Variants in CNNM1 observed in about 807,000 individuals in gnomAD.
CNNM1 encodes cyclin and CBS domain divalent metal cation transport mediator 1.
Under a neutral mutation model 78.8 loss-of-function variants are expected in CNNM1, and 44 were observed. The ratio of observed to expected loss-of-function variants is 0.56; its 90% CI spans 0.44 to 0.72. CNNM1 has a LOEUF of 0.72. Among genes scored for constraint, CNNM1 ranks in the 30% least tolerant of loss-of-function variants. The pLI, the probability that CNNM1 is intolerant of heterozygous loss-of-function variation, is 0.00. For missense variants in CNNM1, 1,101 were observed against 1,292.2 expected, an observed-to-expected ratio of 0.85 and a Z score of 2.27; for synonymous variants, 584 against 581.5, an observed-to-expected ratio of 1.00 and a Z score of -0.06.
intron 1 of CNNM1, among the ~76,000 whole-genome samples, chr10:99,342,974 C>G (rs1446584869): frequency 6.6e-6 from 1 of 151,166 alleles, no homozygotes; most frequent in African/African-American, 2.4e-5. Context: ...TTCTTTCTTT[C>G]TTTTTTTTGA....
At chr10:99,357,480 G>C (rs777913777) in intron 1 of CNNM1, 32 bp from the exon 2 acceptor site, 1 of 1,594,642 alleles carries the variant, frequency 6.3e-7, no homozygotes, top group Admixed American at 1.7e-5. Flanking sequence ...AAATGTCCCC[G>C]ATACTTAACT....
chr10:99,347,974 C>T (rs1410356234), intron 1 of CNNM1, among the ~76,000 whole-genome samples: 10 of 151,752 alleles, frequency 6.6e-5, no homozygotes, highest in African/African-American at 1.9e-4. Context: ...TTCCCTGCTT[C>T]GCTTTCCCCT....
chr10:99,335,700 C>T (rs1454014288), intron 1 of CNNM1, among the ~76,000 whole-genome samples: 1 of 152,188 alleles, frequency 6.6e-6, no homozygotes, highest in Non-Finnish European at 1.5e-5. Flanking sequence ...TTGTCGTCTG[C>T]ACAGGCTGTC....
Position 99,393,988 on chromosome 10 carries a change from T to C in CNNM1, c.*2472T>C, listed in dbSNP as rs2032549452. The C allele has an allele frequency of 6.6e-6, 1 of 152,270 alleles. No individual in the cohort carries two copies. Among genetic ancestry groups the C allele is most frequent in the African/African-American group, 2.4e-5 (1 of 41,458 alleles). The allele number at this position is 152,270 out of a possible 1,614,324, so 9.4% of individuals were successfully genotyped here. A position where few individuals can be genotyped will look rare whatever the true frequency, so the allele number is the denominator to read the frequency against. ...GAACAGGCGAAGTGTCAGCCCTCAA[T>C]GTTGGGTACTTAGACCCAAACCAAT... On this transcript the variant is annotated 3_prime_UTR_variant, in exon 11 of 11. Transcript: ENST00000356713.
At position 99,387,936 on chromosome 10, in the gene CNNM1, G is replaced by A. The variant is rs958493081; in HGVS notation, c.2457G>A (p.Arg819=). 1 of 1,612,986 alleles carries A rather than the reference G, an allele frequency of 6.2e-7. No homozygotes were observed. The highest frequency in any genetic ancestry group is 1.7e-5 in the Admixed American group (1 of 59,904). The change falls in exon 8 of 11, where the codon CGG becomes CGA. Residue 819 remains arginine (R), a synonymous_variant. Coordinates refer to ENST00000356713, the MANE Select transcript of CNNM1 (RefSeq NM_020348.3). ...DGDSTKAPTT[R]GTPQTPKDDP... is the part of the protein sequence containing the mutation. ...ACTCCACTAAGGCCCCCACAACCCG[G>A]GGCACACCCCAGACCCCTAAGGATG...
At chr10:99,356,562 C>CAGAAAGAAAGAAAAGAAAAGAAAAGAA (rs55778106) in intron 1 of CNNM1, among the ~76,000 whole-genome samples, 1 of 98,444 alleles carries the variant, frequency 1.0e-5, no homozygotes, top group Non-Finnish European at 2.1e-5. Flanking sequence ...GACAGACAGA[C>CAGAAAGAAAGAAAAGAAAAGAAAAGAA]AGAAAGAAAG....
At chr10:99,337,419 C>T (rs1353242805) in intron 1 of CNNM1, among the ~76,000 whole-genome samples, 2 of 152,232 alleles carry the variant, frequency 1.3e-5, no homozygotes, top group African/African-American at 4.8e-5. Context: ...TACCCTCCAG[C>T]AATGCTGAAC....
At chr10:99,349,356 G>A (rs1241649491) in intron 1 of CNNM1, among the ~76,000 whole-genome samples, 1 of 152,100 alleles carries the variant, frequency 6.6e-6, no homozygotes, top group African/African-American at 2.4e-5. Flanking sequence ...AGCCAGGGTC[G>A]AGAATCACGA....
chr10:99,341,312 C>T (rs1164608494), intron 1 of CNNM1, among the ~76,000 whole-genome samples: 3 of 152,084 alleles, frequency 2.0e-5, no homozygotes, highest in Admixed American at 2.0e-4. Flanking sequence ...CTGCCAGCCA[C>T]CCTCCTGTTT....
rs1297903607 is a variant in CNNM1 at position 99,330,207 on chromosome 10, G to A, written c.820G>A (p.Ala274Thr). The change falls in exon 1 of 11, where the codon GCC becomes ACC. Residue 274 changes from alanine to threonine, a missense_variant. Coordinates refer to ENST00000356713, the MANE Select transcript of CNNM1 (RefSeq NM_020348.3). ...GCAGGAGCAGGCGCGCCGCGTGCAG[G>A]CCGTTCGCGGCAGGGGGACCCATCT... is the stretch of plus-strand genomic sequence containing the variant. Reference protein sequence around the residue: ...AEQEQARRVQAVRGRGTHLLC... With the variant: ...AEQEQARRVQTVRGRGTHLLC... 1.5e-5 allele frequency: 23 copies of A among 1,511,962 alleles called. No individual in the cohort carries two copies. In the Admixed American group the frequency reaches 1.7e-4, roughly 11 times the overall value. The allele number at this position is 1,511,962 out of a possible 1,614,324, so 93.7% of individuals were successfully genotyped here.
chr10:99,349,833 T>C (rs2030866593), intron 1 of CNNM1, among the ~76,000 whole-genome samples: 2 of 152,160 alleles, frequency 1.3e-5, no homozygotes, highest in Admixed American at 1.3e-4. Flanking sequence ...ACCCCGTCTC[T>C]ACTAAATATA....
chr10:99,380,919 G>A (rs1298396793), intron 7 of CNNM1, among the ~76,000 whole-genome samples: 1 of 152,150 alleles, frequency 6.6e-6, no homozygotes, highest in Non-Finnish European at 1.5e-5. Context: ...ACATGAGATA[G>A]TTTCAGTGTT....
chr10:99,331,828 C>G (rs1288898025), intron 1 of CNNM1, among the ~76,000 whole-genome samples: 1 of 152,096 alleles, frequency 6.6e-6, no homozygotes, highest in Non-Finnish European at 1.5e-5. Context: ...TAGATCTGGA[C>G]CTGAAGAAAT....
Position 99,330,641 on chromosome 10 carries a change from A to G in CNNM1, c.1254A>G (p.Ile418Met), listed in dbSNP as rs1301839078. ...TGGTGAAGGAGGAGCTCAACATCAT[A>G]CAGGGTGCCCTGGAGCTGCGCACCA... ...SDLVKEELNI[I>M]QGALELRTKV... The change falls in exon 1 of 11, where the codon ATA becomes ATG. Residue 418 changes from isoleucine (I) to methionine (M), a missense_variant. Around this residue, in one of 3 missense-constraint regions of CNNM1, gnomAD observed 277 missense variants for 423.2 expected, o/e 0.65. Transcript: ENST00000356713. The G allele has an allele frequency of 1.9e-6, 3 of 1,613,808 alleles. No individual in the cohort carries two copies. The highest frequency in any genetic ancestry group is 2.5e-6 in the Non-Finnish European group (3 of 1,179,866).
At chr10:99,334,815 A>T (rs1327845916) in intron 1 of CNNM1, among the ~76,000 whole-genome samples, 1 of 152,228 alleles carries the variant, frequency 6.6e-6, no homozygotes, top group African/African-American at 2.4e-5. Context: ...GTTACCATTA[A>T]TTGAGCACCA....
chr10:99,351,300 A>G (rs113827528), intron 1 of CNNM1, among the ~76,000 whole-genome samples: 23 of 152,202 alleles, frequency 1.5e-4, no homozygotes, highest in African/African-American at 4.8e-4. Flanking sequence ...AGAAGCCACA[A>G]AGAGACCCTT....
rs768349741 is a variant in CNNM1 at position 99,364,352 on chromosome 10, A to T, written c.2029-65A>T. ...TCCAAGCAGAAATGCTTAGGATTCG[A>T]GTCAATAGTAGAACTGGAAGTGCTC... On this transcript the variant is annotated intron_variant, in intron 4 of 10. Transcript: ENST00000356713. The T allele has an allele frequency of 5.8e-6, 7 of 1,204,814 alleles. No individual in the cohort carries two copies. In the Admixed American group the frequency reaches 8.5e-5, roughly 15 times the overall value. 74.6% of individuals were successfully genotyped at this position (1,204,814 alleles called of 1,614,324 possible). A position where few individuals can be genotyped will look rare whatever the true frequency, so the allele number is the denominator to read the frequency against.
At chr10:99,346,948 G>A (rs1311282734) in intron 1 of CNNM1, among the ~76,000 whole-genome samples, 3 of 152,170 alleles carry the variant, frequency 2.0e-5, no homozygotes, top group Admixed American at 6.5e-5. Flanking sequence ...GCAAATGAAC[G>A]CAGAAACAGA....
chr10:99,353,388 C>A (rs955924964), intron 1 of CNNM1, among the ~76,000 whole-genome samples: 3 of 152,154 alleles, frequency 2.0e-5, no homozygotes, highest in African/African-American at 7.2e-5. Flanking sequence ...CTGTGCCTGG[C>A]CCCTAGAGTG....
Sources: allele counts gnomAD v4.1 joint callset (sites outside exome capture counted in the v4.1 genomes callset), GRCh38; gene constraint gnomAD v4.1.1; regional missense constraint gnomAD v4.1.1; transcripts MANE v1.5; gene names NCBI Gene and HGNC (gene_info 2026-07-23, HGNC 2026-07-21).